The following CPQ variants were observed in gnomAD, a reference collection of about 807,000 sequenced individuals.
CPQ encodes the protein Ser-Met dipeptidase.
In CPQ, 37 loss-of-function variants were observed where a neutral mutation model predicts 45.7. The ratio of observed to expected loss-of-function variants is 0.81; its 90% confidence interval spans 0.62 to 1.07. CPQ has a LOEUF of 1.07. Ranked by LOEUF, CPQ falls within the 50% of genes least tolerant of loss-of-function variation. The probability of loss-of-function intolerance (pLI) is 0.00; values close to 1 mark genes in which losing one functional copy is unlikely to be tolerated. For synonymous variants in CPQ, 186 were observed against 205.8 expected, an observed-to-expected ratio of 0.90 and a Z score of 0.82; for missense variants, 537 against 572.9, an observed-to-expected ratio of 0.94 and a Z score of 0.64.
intron 5 of CPQ, among the ~76,000 whole-genome samples, chr8:96,978,523 A>G (rs1050333350): frequency 6.6e-6 from 1 of 152,180 alleles, no homozygotes; most frequent in African/African-American, 2.4e-5. Flanking sequence ...GACACCACCC[A>G]GGGTATACAG....
At chr8:96,958,236 C>T (rs1456637887) in intron 4 of CPQ, among the ~76,000 whole-genome samples, 2 of 152,124 alleles carry the variant, frequency 1.3e-5, no homozygotes, top group Non-Finnish European at 1.5e-5. Flanking sequence ...TTTAGCTGTG[C>T]ACTGTACCAT....
intron 1 of CPQ, among the ~76,000 whole-genome samples, chr8:96,722,322 ATATC>A (rs879611691): frequency 9.2e-5 from 14 of 152,200 alleles, no homozygotes; most frequent in Non-Finnish European, 1.9e-4. Context: ...AAAGGTTTAA[ATATC>A]TATAGCAGGA....
chr8:96,826,832 G>A (rs959762608), intron 2 of CPQ, among the ~76,000 whole-genome samples: 5 of 151,874 alleles, frequency 3.3e-5, no homozygotes, highest in African/African-American at 4.8e-5. Context: ...CCCTGTGTCC[G>A]TGTGTTTTCA....
intron 7 of CPQ, among the ~76,000 whole-genome samples, chr8:97,107,697 G>A (rs980960655): frequency 6.6e-6 from 1 of 152,130 alleles, no homozygotes; most frequent in African/African-American, 2.4e-5. Context: ...GAGATGTATG[G>A]CTGGAGAAGG....
At chr8:97,067,720 T>C (rs1810663699) in intron 7 of CPQ, among the ~76,000 whole-genome samples, 1 of 152,234 alleles carries the variant, frequency 6.6e-6, no homozygotes, top group Non-Finnish European at 1.5e-5. Context: ...TTATTTTCCT[T>C]TGTTCTTTGT....
chr8:96,721,115 G>A (rs1809757843), intron 1 of CPQ, among the ~76,000 whole-genome samples: 1 of 152,084 alleles, frequency 6.6e-6, no homozygotes, highest in African/African-American at 2.4e-5. Flanking sequence ...TCTCAGCAAT[G>A]TACTTGCAGG....
At chr8:96,926,498 T>C (rs190726991) in intron 4 of CPQ, among the ~76,000 whole-genome samples, 24 of 152,286 alleles carry the variant, frequency 1.6e-4, no homozygotes, top group Admixed American at 2.6e-4. Context: ...TACAAATTCC[T>C]AGGAGGATTT....
chr8:96,864,563 A>G (rs1486060934), intron 3 of CPQ, among the ~76,000 whole-genome samples: 3 of 151,996 alleles, frequency 2.0e-5, no homozygotes, highest in Non-Finnish European at 4.4e-5. Flanking sequence ...CATATTCTAT[A>G]TTTTCAAAGA....
At position 97,143,258 on chromosome 8, in the gene CPQ, A is replaced by T. The variant is rs111766263; in HGVS notation, c.*75A>T. On this transcript the variant is annotated 3_prime_UTR_variant, in exon 8 of 8. Transcript: ENST00000220763. Reference sequence around the variant, plus strand: ...CTGCAACTTTGGAAAACTCCTCTTCACATAACAATTTCATCCAATTCATCT... The same window carrying T: ...CTGCAACTTTGGAAAACTCCTCTTCTCATAACAATTTCATCCAATTCATCT... 6.7e-5 allele frequency: 93 copies of T among 1,397,572 alleles called. No homozygotes were observed. The African/African-American group carries it at 9.8e-4, about 15-fold the overall frequency. 86.6% of individuals were successfully genotyped at this position (1,397,572 alleles called of 1,614,324 possible).
intron 3 of CPQ, among the ~76,000 whole-genome samples, chr8:96,860,873 T>C (rs771599187): frequency 1.3e-5 from 2 of 152,186 alleles, no homozygotes; most frequent in Non-Finnish European, 2.9e-5. Context: ...CAAGAAACTG[T>C]AGTATCTATT....
chr8:97,137,469 A>G lies in CPQ; in HGVS notation c.1256-5551A>G, dbSNP rs1237137120. Among the ~76,000 whole-genome samples the G allele has an allele frequency of 3.3e-5, 5 of 152,182 alleles. 1 individual carries two copies. The South Asian group carries it at 8.3e-4, about 25-fold the overall frequency. On this transcript the variant is annotated intron_variant, in intron 7 of 7. Coordinates refer to ENST00000220763, the MANE Select transcript of CPQ (RefSeq NM_016134.4). ...GAAGGTTTTGACTCTGTCCTTGTACATGAATTTGACATTCACCTGATACTC... is the reference window on the plus strand; with the variant it reads ...GAAGGTTTTGACTCTGTCCTTGTACGTGAATTTGACATTCACCTGATACTC...
intron 2 of CPQ, among the ~76,000 whole-genome samples, chr8:96,832,971 T>A (rs752272154): frequency 5.9e-5 from 9 of 151,658 alleles, no homozygotes; most frequent in Non-Finnish European, 1.2e-4. Context: ...GGCCAGGGAG[T>A]AGAGACCTGT....
chr8:97,106,976 T>C (rs1811415948), intron 7 of CPQ, among the ~76,000 whole-genome samples: 1 of 152,150 alleles, frequency 6.6e-6, no homozygotes, highest in Admixed American at 6.6e-5. Context: ...GGATTTAATA[T>C]ATTGGTGACC....
At chr8:96,698,645 A>G (rs1276426406) in intron 1 of CPQ, among the ~76,000 whole-genome samples, 1 of 152,178 alleles carries the variant, frequency 6.6e-6, no homozygotes, top group Non-Finnish European at 1.5e-5. Context: ...AAACAGCTCT[A>G]TAGGAAAAAA....
At chr8:97,080,401 T>C (rs1052998548) in intron 7 of CPQ, among the ~76,000 whole-genome samples, 1 of 152,220 alleles carries the variant, frequency 6.6e-6, no homozygotes, top group Non-Finnish European at 1.5e-5. Context: ...CTAAAAAATA[T>C]GCTTATCAAT....
At chr8:97,071,877 T>A (rs1012166640) in intron 7 of CPQ, among the ~76,000 whole-genome samples, 1 of 152,170 alleles carries the variant, frequency 6.6e-6, no homozygotes, top group Admixed American at 6.6e-5. Flanking sequence ...CATCTTTCCA[T>A]GTTGCCATTC....
intron 6 of CPQ, among the ~76,000 whole-genome samples, chr8:97,063,312 C>A (rs778023896): frequency 6.6e-5 from 10 of 152,072 alleles, no homozygotes; most frequent in Non-Finnish European, 5.9e-5. Flanking sequence ...CCTTTGCCCA[C>A]TTTTTAATGG....
At chr8:96,724,812 T>C (rs976513225) in intron 1 of CPQ, among the ~76,000 whole-genome samples, 3 of 151,934 alleles carry the variant, frequency 2.0e-5, no homozygotes, top group African/African-American at 7.3e-5. Flanking sequence ...CAATCTTAAG[T>C]AAAAAGAATG....
chr8:96,649,863 T>G (rs1180749041), intron 1 of CPQ, among the ~76,000 whole-genome samples: 1 of 152,182 alleles, frequency 6.6e-6, no homozygotes, highest in Non-Finnish European at 1.5e-5. Flanking sequence ...GATTCTTATG[T>G]AAGTGCCAGT....
Sources: gnomAD v4.1 joint callset for allele counts (sites outside exome capture counted in the v4.1 genomes callset) on GRCh38, gnomAD v4.1.1 for gene constraint, MANE v1.5 for transcripts, NCBI Gene and HGNC (gene_info 2026-07-23, HGNC 2026-07-21) for gene names.